Variants in CYP7B1 observed in about 807,000 individuals in gnomAD.
The protein encoded by CYP7B1 is cytochrome P450 family 7 subfamily B member 1.
In CYP7B1, 29 loss-of-function variants were observed where a neutral mutation model predicts 42.7. The ratio of observed to expected loss-of-function variants is 0.68; its 90% confidence interval spans 0.51 to 0.93. The LOEUF is 0.93. Among genes scored for constraint, CYP7B1 ranks in the 40% least tolerant of loss-of-function variants. The pLI is 0.00. For synonymous variants in CYP7B1, 235 were observed against 218.2 expected (o/e 1.08, Z -0.68); for missense variants, 655 against 600.5 (o/e 1.09, Z -0.95).
chr8:64,780,800 G>A (rs563058521), intron 1 of CYP7B1, among the ~76,000 whole-genome samples: 4 of 152,082 alleles, frequency 2.6e-5, no homozygotes, highest in East Asian at 1.9e-4. Flanking sequence ...TTGGGAAATC[G>A]GTGAAGTACA....
At chr8:64,676,221 G>C (rs1806443876) in intron 1 of CYP7B1, among the ~76,000 whole-genome samples, 1 of 152,062 alleles carries the variant, frequency 6.6e-6, no homozygotes, top group Non-Finnish European at 1.5e-5. Context: ...ACCTACTCCA[G>C]AGTGGTGCTA....
At chr8:64,738,598 A>G (rs967006393) in intron 1 of CYP7B1, among the ~76,000 whole-genome samples, 2 of 152,138 alleles carry the variant, frequency 1.3e-5, no homozygotes, top group African/African-American at 2.4e-5. Context: ...TCCTTTTCTA[A>G]TCAAGATACT....
intron 1 of CYP7B1, among the ~76,000 whole-genome samples, chr8:64,713,702 T>C (rs1468897092): frequency 6.6e-6 from 1 of 151,928 alleles, no homozygotes; most frequent in Non-Finnish European, 1.5e-5. Flanking sequence ...AATTAAAAAG[T>C]AGTAATGACC....
At chr8:64,768,031 G>T (rs1263852897) in intron 1 of CYP7B1, among the ~76,000 whole-genome samples, 1 of 152,152 alleles carries the variant, frequency 6.6e-6, no homozygotes, top group Non-Finnish European at 1.5e-5. Context: ...TGAGAGGGGT[G>T]ACTAAGTGAT....
intron 1 of CYP7B1, among the ~76,000 whole-genome samples, chr8:64,792,112 T>C (rs899142807): frequency 6.6e-6 from 1 of 152,170 alleles, no homozygotes; most frequent in African/African-American, 2.4e-5. Context: ...TTATATAAAG[T>C]TGCAGAACTC....
At chr8:64,633,824 A>C (rs1269422642) in intron 1 of CYP7B1, among the ~76,000 whole-genome samples, 1 of 152,236 alleles carries the variant, frequency 6.6e-6, no homozygotes, top group African/African-American at 2.4e-5. Flanking sequence ...ACAAAGTGGA[A>C]AGACTTATAC....
At chr8:64,652,564 G>T (rs1806055380) in intron 1 of CYP7B1, among the ~76,000 whole-genome samples, 1 of 152,196 alleles carries the variant, frequency 6.6e-6, no homozygotes, top group Non-Finnish European at 1.5e-5. Context: ...ACAACATGTG[G>T]CCAGGCGCAG....
intron 1 of CYP7B1, among the ~76,000 whole-genome samples, chr8:64,655,137 A>G (rs1479277485): frequency 6.6e-6 from 1 of 152,210 alleles, no homozygotes; most frequent in Non-Finnish European, 1.5e-5. Context: ...AAAGATACCA[A>G]AAGCAATCAC....
chr8:64,782,636 C>T (rs1323106931), intron 1 of CYP7B1, among the ~76,000 whole-genome samples: 1 of 152,140 alleles, frequency 6.6e-6, no homozygotes, highest in Non-Finnish European at 1.5e-5. Flanking sequence ...GAGATTTATG[C>T]TAATCCAACA....
At position 64,671,818 on chromosome 8, in the gene CYP7B1, A is replaced by G. The variant is rs1317491718; in HGVS notation, c.123-47279T>C. Among the ~76,000 whole-genome samples the G allele has an allele frequency of 2.0e-5, 3 of 152,206 alleles. No homozygotes were observed. In the East Asian group the frequency reaches 5.8e-4, roughly 29 times the overall value. On this transcript the variant is annotated intron_variant, in intron 1 of 5. Coordinates refer to ENST00000310193, the MANE Select transcript of CYP7B1 (RefSeq NM_004820.5). ...AAACCCAGATGATAAAAGGGGTGGA[A>G]AAGATGCAAGGTTCTCCTATTTTGG...
chr8:64,706,685 A>C (rs1807004528), intron 1 of CYP7B1, among the ~76,000 whole-genome samples: 1 of 152,006 alleles, frequency 6.6e-6, no homozygotes, highest in South Asian at 2.1e-4. Flanking sequence ...CAATAATAAA[A>C]AAGGATGTTG....
chr8:64,645,065 C>T (rs893139727), intron 1 of CYP7B1, among the ~76,000 whole-genome samples: 12 of 151,828 alleles, frequency 7.9e-5, no homozygotes, highest in African/African-American at 2.9e-4. Context: ...CCAATTTCAT[C>T]CATGTCCCTA....
rs905643661 is a variant in CYP7B1, at chr8:64,798,638, C to G, written c.-51G>C. On this transcript the variant is annotated 5_prime_UTR_variant, in exon 1 of 6. Coordinates refer to ENST00000310193, the MANE Select transcript of CYP7B1 (RefSeq NM_004820.5). ...CAGCCCGGGGTCTGCCTGCGAACAGCGCGGTCGGCGACTCTGCAGCCTGCG... is the reference window on the plus strand; with the variant it reads ...CAGCCCGGGGTCTGCCTGCGAACAGGGCGGTCGGCGACTCTGCAGCCTGCG... The G allele has an allele frequency of 7.0e-7, 1 of 1,438,790 alleles. No homozygotes were observed. The highest frequency in any genetic ancestry group is 2.8e-5 in the Admixed American group (1 of 35,578). The allele number at this position is 1,438,790 out of a possible 1,614,324, so 89.1% of individuals were successfully genotyped here. A position where few individuals can be genotyped will look rare whatever the true frequency, so the allele number is the denominator to read the frequency against.
At chr8:64,625,327 G>A (rs1006023106) in intron 1 of CYP7B1, among the ~76,000 whole-genome samples, 5 of 152,114 alleles carry the variant, frequency 3.3e-5, no homozygotes, top group East Asian at 1.9e-4. Flanking sequence ...TGAAGGAATT[G>A]TGTCTTGCAA....
At chr8:64,635,709 T>G (rs930540139) in intron 1 of CYP7B1, among the ~76,000 whole-genome samples, 9 of 152,174 alleles carry the variant, frequency 5.9e-5, no homozygotes, top group Non-Finnish European at 1.0e-4. Flanking sequence ...TCAGGTGAAT[T>G]CAGAGCAAAA....
At chr8:64,753,532 T>C (rs941998887) in intron 1 of CYP7B1, among the ~76,000 whole-genome samples, 16 of 152,314 alleles carry the variant, frequency 1.1e-4, no homozygotes, top group African/African-American at 2.4e-4. Flanking sequence ...ACCACTGGGA[T>C]TGAGGTATGC....
At chr8:64,700,626 G>A (rs1278591261) in intron 1 of CYP7B1, among the ~76,000 whole-genome samples, 2 of 152,108 alleles carry the variant, frequency 1.3e-5, no homozygotes, top group African/African-American at 2.4e-5. Context: ...CTTCATGGGA[G>A]TCGTGATTGG....
At chr8:64,619,500 G>T (rs1457945223) in intron 2 of CYP7B1, among the ~76,000 whole-genome samples, 2 of 152,084 alleles carry the variant, frequency 1.3e-5, no homozygotes, top group African/African-American at 4.8e-5. Context: ...GTCAAAGTGG[G>T]GCTGATATCT....
At chr8:64,642,688 G>A (rs966789954) in intron 1 of CYP7B1, among the ~76,000 whole-genome samples, 2 of 152,086 alleles carry the variant, frequency 1.3e-5, no homozygotes, top group Non-Finnish European at 2.9e-5. Flanking sequence ...ATTATGGTCA[G>A]CTATAGAACA....
Sources: allele counts gnomAD v4.1 joint callset (sites outside exome capture counted in the v4.1 genomes callset), GRCh38; gene constraint gnomAD v4.1.1; transcripts MANE v1.5; gene names NCBI Gene and HGNC (gene_info 2026-07-23, HGNC 2026-07-21).